Variants in MAPK15 observed in about 807,000 individuals in gnomAD.
MAPK15 encodes the protein mitogen-activated protein kinase 15, also known as ERK-7.
Under a neutral mutation model 60.8 loss-of-function variants are expected in MAPK15, and 61 were observed. That is an observed-to-expected ratio of 1.00 (90% CI 0.82 to 1.24). The LOEUF (loss-of-function observed/expected upper bound fraction) is 1.24, where lower values mean the gene tolerates loss of function less well. Ranked by LOEUF, MAPK15 falls within the 50% of genes most tolerant of loss-of-function variation. The pLI is 0.00. For synonymous variants in MAPK15, 356 were observed against 319.9 expected (o/e 1.11, Z -1.21); for missense variants, 808 against 741.1 (o/e 1.09, Z -1.05).
Position 143,718,294 on chromosome 8 carries a change from A to C in MAPK15, c.278A>C (p.Glu93Ala). 1 of 1,613,916 alleles carries C rather than the reference A, an allele frequency of 6.2e-7. No individual in the cohort carries two copies. ...GACAGGGACATTTACCTGGTGTTTG[A>C]GTTTATGGGTGAGTGAGGCCCCGGC... ...ENDRDIYLVF[E>A]FMDTDLNAVI... Residue 93 changes from glutamate to alanine, a missense_variant, in exon 4 of 14, where the codon GAG (glutamate) becomes GCG (alanine). By Grantham distance (107) the Glu-to-Ala change is moderately radical. Transcript: ENST00000338033.
rs200955014 is a variant in MAPK15 at position 143,718,949 on chromosome 8, G to A, written c.417+44G>A. On this transcript the variant is annotated intron_variant, in intron 5 of 13. Transcript: ENST00000338033. ...CGCTATGCCACGTGGCCCGGCTCCC[G>A]GCCCCACCCAGCCCCGGGGCCTCAG... The A allele has an allele frequency of 5.4e-5, 86 of 1,597,466 alleles. 1 individual carries two copies. In the Admixed American group the frequency reaches 9.0e-4, roughly 17 times the overall value.
At position 143,720,166 on chromosome 8, in the gene MAPK15, A is replaced by G. The variant is rs1817989464; in HGVS notation, c.722-64A>G. On this transcript the variant is annotated intron_variant, in intron 7 of 13. Transcript: ENST00000338033. The surrounding 1 kb of genome is among the most constrained non-coding windows in gnomAD (Gnocchi z 4.6). ...GGGGCTGGAAGAGATGACTGGCCCC[A>G]GATGCCCTGAGCCGCCCCAGCCGAC... The G allele has an allele frequency of 3.2e-6, 5 of 1,539,750 alleles. No individual in the cohort carries two copies. The highest frequency in any genetic ancestry group is 4.4e-6 in the Non-Finnish European group (5 of 1,146,084).
rs782246804 is a variant in MAPK15, at chr8:143,720,862, C to T, written c.917+22C>T. On this transcript the variant is annotated intron_variant, in intron 9 of 13. Transcript: ENST00000338033. The surrounding 1 kb of genome is among the most constrained non-coding windows in gnomAD (Gnocchi z 4.6). ...AGAGGTGGGGGTGGGAGAGAGTCCCCCAAGTGCGGGGGGACAGAGGTGGGG... is the reference window on the plus strand; with the variant it reads ...AGAGGTGGGGGTGGGAGAGAGTCCCTCAAGTGCGGGGGGACAGAGGTGGGG... 3 of 1,607,670 alleles carry T rather than the reference C, an allele frequency of 1.9e-6. No individual in the cohort carries two copies. The Admixed American group carries it at 5.0e-5, about 27-fold the overall frequency.
At position 143,720,134 on chromosome 8, in the gene MAPK15, G is replaced by A. The variant is rs1464773665; in HGVS notation, c.722-96G>A. On this transcript the variant is annotated intron_variant, in intron 7 of 13. Transcript: ENST00000338033. This position sits in a 1 kb window ranked among gnomAD's most constrained non-coding sequence, Gnocchi z 4.6. ...AGCAGAAACCCTGTAGAGAGGCTGT[G>A]CTCCCTGGGGCTGGAAGAGATGACT... 2 of 1,509,206 alleles carry A rather than the reference G, an allele frequency of 1.3e-6. No homozygotes were observed. The highest frequency in any genetic ancestry group is 1.4e-5 in the African/African-American group (1 of 72,458). 93.5% of individuals were successfully genotyped at this position (1,509,206 alleles called of 1,614,324 possible).
intron 3 of MAPK15, 66 bp from the exon 4 acceptor site, chr8:143,718,146 T>G: frequency 1.2e-6 from 2 of 1,612,854 alleles, no homozygotes; most frequent in South Asian, 2.2e-5. Flanking sequence ...GGAGAGAAAC[T>G]GGCCTTCTTG....
Position 143,720,701 on chromosome 8 carries a change from A to G in MAPK15, c.780-2A>G. 1 of 1,609,842 alleles carries G rather than the reference A, an allele frequency of 6.2e-7. No individual in the cohort carries two copies. The highest frequency in any genetic ancestry group is 8.5e-7 in the Non-Finnish European group (1 of 1,178,394). ...CTGGAGACGACACACGGCAGCCCACAGGCCACGACAGACGCTGGATGCCCT... is the reference window on the plus strand; with the variant it reads ...CTGGAGACGACACACGGCAGCCCACGGGCCACGACAGACGCTGGATGCCCT... On this transcript the variant is annotated splice_acceptor_variant, in intron 8 of 13. Transcript: ENST00000338033. LOFTEE classifies it high-confidence loss of function. The surrounding 1 kb of genome is among the most constrained non-coding windows in gnomAD (Gnocchi z 4.6).
rs1818113878 is a variant in MAPK15 at position 143,722,245 on chromosome 8, T to C, written c.1629T>C (p.His543=). ...LGHLPLLEGH[H]V ...ACCTGCCCCTGCTGGAGGGGCACCA[T>C]GTGTGAGCCGCCCTACTCCCTTCAC... The change falls in exon 14 of 14, where the codon CAT becomes CAC. Residue 543 remains histidine, a synonymous_variant. Transcript: ENST00000338033. 3.2e-6 allele frequency: 5 copies of C among 1,579,516 alleles called. No homozygotes were observed. The highest frequency in any genetic ancestry group is 3.4e-6 in the Non-Finnish European group (4 of 1,162,740).
At chr8:143,717,941 G>C in intron 2 of MAPK15, 106 bp from the exon 3 acceptor site, 1 of 1,548,220 alleles carries the variant, frequency 6.5e-7, no homozygotes, top group Non-Finnish European at 8.9e-7. Flanking sequence ...GCCACGCCTG[G>C]TCTGGTGGGT....
chr8:143,718,530 A>G, intron 4 of MAPK15: 2 of 624,218 alleles, frequency 3.2e-6, no homozygotes, highest in Non-Finnish European at 5.7e-6. Context: ...CTCTGACCAC[A>G]GTTTGCAGTT....
rs376507846 is a variant in MAPK15, at chr8:143,721,669, C to G, written c.1325C>G (p.Ser442Trp). The change falls in exon 12 of 14, where the codon TCG (serine) becomes TGG (tryptophan). Residue 442 changes from serine (S) to tryptophan (W), a missense_variant. By Grantham distance (177) the Ser-to-Trp change is radical (BLOSUM62 -3). Coordinates refer to ENST00000338033, the MANE Select transcript of MAPK15 (RefSeq NM_139021.3). Reference sequence around the variant, plus strand: ...AAGGAAGCGCCCCCCTTGACACTCTCGCTGGTAAGTCATGGTGGGGCGGGC... The same window carrying G: ...AAGGAAGCGCCCCCCTTGACACTCTGGCTGGTAAGTCATGGTGGGGCGGGC... ...GAKEAPPLTL[S>W]LVKPSGRGAA... 1 of 1,608,596 alleles carries G rather than the reference C, an allele frequency of 6.2e-7. No individual in the cohort carries two copies. Among genetic ancestry groups the G allele is most frequent in the Admixed American group, 1.7e-5 (1 of 59,470 alleles).
Position 143,722,255 on chromosome 8 carries a change from G to T in MAPK15, c.*4G>T. 6.4e-7 allele frequency: 1 copy of T among 1,559,580 alleles called. No homozygotes were observed. Among genetic ancestry groups the T allele is most frequent in the African/African-American group, 1.4e-5 (1 of 73,758 alleles). ...GCTGGAGGGGCACCATGTGTGAGCC[G>T]CCCTACTCCCTTCACCTGGCCCTCT... On this transcript the variant is annotated 3_prime_UTR_variant, in exon 14 of 14. Coordinates refer to ENST00000338033, the MANE Select transcript of MAPK15 (RefSeq NM_139021.3).
At position 143,716,383 on chromosome 8, in the gene MAPK15, C is replaced by T. The variant is rs1184013293; in HGVS notation, c.6C>T (p.Cys2=). The T allele has an allele frequency of 3.1e-6, 5 of 1,599,284 alleles. No individual in the cohort carries two copies. The highest frequency in any genetic ancestry group is 2.3e-5 in the East Asian group (1 of 43,036). M[C]TVVDPRIVRR... is the part of the protein sequence containing the mutation. Reference sequence around the variant, plus strand: ...CCGCGGGCGTCCTGGCCGCCATGTGCACCGTAGTGGACCCTCGCATTGTCC... The same window carrying T: ...CCGCGGGCGTCCTGGCCGCCATGTGTACCGTAGTGGACCCTCGCATTGTCC... The change falls in exon 1 of 14, where the codon TGC becomes TGT. Residue 2 remains cysteine (C), a synonymous_variant. Transcript: ENST00000338033.
rs781996816 is a variant in MAPK15 at position 143,721,609 on chromosome 8, C to G, written c.1265C>G (p.Ala422Gly). 2.5e-6 allele frequency: 4 copies of G among 1,612,958 alleles called. No individual in the cohort carries two copies. In the Admixed American group the frequency reaches 5.0e-5, roughly 20 times the overall value. ...AACTCCGCTCCCCTGCTCCAAACTG[C>G]TCTCCTAGGGAATGGGGAAAGGCCC... ...RQNSAPLLQT[A>G]LLGNGERPPG... is the part of the protein sequence containing the mutation. The change falls in exon 12 of 14, where the codon GCT (alanine) becomes GGT (glycine). Residue 422 changes from alanine to glycine, a missense_variant. Physicochemically the swap from Ala to Gly is moderately conservative, Grantham distance 60. Transcript: ENST00000338033.
In MAPK15 at chr8:143,720,983, T is replaced by A. The variant is rs1253815602; in HGVS notation, c.918-17T>A. The A allele has an allele frequency of 6.2e-7, 1 of 1,601,242 alleles. No individual in the cohort carries two copies. Among genetic ancestry groups the A allele is most frequent in the Non-Finnish European group, 8.5e-7 (1 of 1,174,072 alleles). ...CCTTGGCCGCAGCCCGGGCCCCACC[T>A]CCCTGGCTCCCTGCAGGTTCCACTG... On this transcript the variant is annotated splice_polypyrimidine_tract_variant and intron_variant, in intron 9 of 13. Transcript: ENST00000338033. The surrounding 1 kb of genome is among the most constrained non-coding windows in gnomAD (Gnocchi z 4.6).
chr8:143,719,305 T>G, intron 6 of MAPK15, 38 bp from the exon 7 acceptor site: 1 of 1,520,880 alleles, frequency 6.6e-7, no homozygotes, highest in Non-Finnish European at 9.0e-7. Context: ...CACCTCTGCC[T>G]CTGGGTCTCT....
In MAPK15 at chr8:143,721,177, C is replaced by T; in HGVS notation, c.1024-54C>T. ...GAGGCTGCCTCCTATGTCAGAGACC[C>T]CCAAACGCCCCATGCCCAGGCTGTG... On this transcript the variant is annotated intron_variant, in intron 10 of 13. Coordinates refer to ENST00000338033, the MANE Select transcript of MAPK15 (RefSeq NM_139021.3). 3 of 1,592,670 alleles carry T rather than the reference C, an allele frequency of 1.9e-6. No individual in the cohort carries two copies. In the South Asian group the frequency reaches 3.4e-5, roughly 18 times the overall value.
chr8:143,718,439 G>T (rs368982047), intron 4 of MAPK15, 137 bp downstream of exon 4: 1 of 806,940 alleles, frequency 1.2e-6, no homozygotes. Flanking sequence ...ATGTACCCTG[G>T]ACTCAGGGAC....
intron 4 of MAPK15, 176 bp from the exon 5 acceptor site, chr8:143,718,599 A>G (rs1455088065): frequency 1.6e-6 from 1 of 645,154 alleles, no homozygotes; most frequent in Admixed American, 2.9e-5. Flanking sequence ...AAAGTGTTAA[A>G]ACTCCTGCAG....
chr8:143,718,748 CGACTGCAGTGCG>C lies in MAPK15; in HGVS notation c.287-26_287-15del. ...GGTTGCCCCCCCAGCCCCCCACCCC[CGACTGCAGTGCG>C]CACCCTCTCTGCAGACACTGACCTG... On this transcript the variant is annotated splice_polypyrimidine_tract_variant and intron_variant, in intron 4 of 13. Transcript: ENST00000338033. The C allele has an allele frequency of 3.3e-6, 5 of 1,510,550 alleles. No homozygotes were observed. Among genetic ancestry groups the C allele is most frequent in the South Asian group, 2.6e-5 (2 of 78,278 alleles). The allele number at this position is 1,510,550 out of a possible 1,614,324, so 93.6% of individuals were successfully genotyped here.
Sources: gnomAD v4.1 joint callset for allele counts on GRCh38, gnomAD v4.1.1 for gene constraint, Gnocchi (gnomAD v3.1) non-coding constraint, MANE v1.5 for transcripts, NCBI Gene and HGNC (gene_info 2026-07-23, HGNC 2026-07-21) for gene names.